The following ARHGAP28 variants were observed in gnomAD, a reference collection of about 807,000 sequenced individuals.
ARHGAP28 encodes the protein rho GTPase-activating protein 28.
A neutral mutation model predicts 90.7 loss-of-function variants in ARHGAP28; 56 were observed. That is an observed-to-expected ratio of 0.62 (90% confidence interval 0.50 to 0.77). The LOEUF is 0.77. ARHGAP28 is among the 30% of genes least tolerant of loss of function. The pLI, the probability that ARHGAP28 is intolerant of heterozygous loss-of-function variation, is 0.00. For missense variants in ARHGAP28, 869 were observed against 900.9 expected (o/e 0.96, Z 0.45); for synonymous variants, 308 against 323.3 (o/e 0.95, Z 0.51).
chr18:6,902,933 C>T lies in ARHGAP28; in HGVS notation c.2031-6027C>T, dbSNP rs180728615. Among the ~76,000 whole-genome samples the T allele has an allele frequency of 2.6e-3, 388 of 152,068 alleles. 3 individuals carry two copies. The highest frequency in any genetic ancestry group is 8.3e-3 in the African/African-American group (346 of 41,470). On this transcript the variant is annotated intron_variant, in intron 16 of 17. Transcript: ENST00000383472. ...TCCCAAGTATTCATCAACAGATGAA[C>T]GGATAAGCAAAATATGGTATATACA...
At chr18:6,864,643 C>A (rs935562120) in intron 5 of ARHGAP28, among the ~76,000 whole-genome samples, 1 of 151,832 alleles carries the variant, frequency 6.6e-6, no homozygotes, top group Non-Finnish European at 1.5e-5. Context: ...TAAATAGTTG[C>A]CCGTATCAGC....
At chr18:6,844,523 A>G (rs1395680019) in intron 3 of ARHGAP28, among the ~76,000 whole-genome samples, 1 of 152,244 alleles carries the variant, frequency 6.6e-6, no homozygotes, top group African/African-American at 2.4e-5. Context: ...AGCTATGGTT[A>G]TCTCCACAAA....
chr18:6,898,508 G>T, intron 16 of ARHGAP28: 2 of 1,614,030 alleles, frequency 1.2e-6, no homozygotes, highest in Non-Finnish European at 1.7e-6. Context: ...GAGAAGAGTC[G>T]ACAGAGACCA....
At chr18:6,783,516 G>C (rs951735330) in intron 1 of ARHGAP28, among the ~76,000 whole-genome samples, 1 of 142,254 alleles carries the variant, frequency 7.0e-6, no homozygotes, top group Non-Finnish European at 1.5e-5. Context: ...GGTCAGGCTG[G>C]TCTTGAACTC....
chr18:6,818,589 A>G (rs1356606115), intron 1 of ARHGAP28, among the ~76,000 whole-genome samples: 1 of 152,138 alleles, frequency 6.6e-6, no homozygotes, highest in Non-Finnish European at 1.5e-5. Flanking sequence ...GAACCCCGAG[A>G]GCTGAGACAG....
At chr18:6,782,337 C>T (rs1170537902) in intron 1 of ARHGAP28, among the ~76,000 whole-genome samples, 1 of 151,936 alleles carries the variant, frequency 6.6e-6, no homozygotes, top group Non-Finnish European at 1.5e-5. Context: ...TCCTAACAGC[C>T]TCGATTAGAG....
At chr18:6,779,776 G>A (rs932162317) in intron 1 of ARHGAP28, among the ~76,000 whole-genome samples, 1 of 152,216 alleles carries the variant, frequency 6.6e-6, no homozygotes, top group Non-Finnish European at 1.5e-5. Context: ...CAAGACTCAT[G>A]CAGGCCTCTG....
In ARHGAP28 at chr18:6,756,044, A is replaced by G. The variant is rs143306485; in HGVS notation, c.122+26101A>G. Among the ~76,000 whole-genome samples, 297 of 152,280 alleles carry G rather than the reference A, an allele frequency of 2.0e-3. 1 individual carries two copies. The highest frequency in any genetic ancestry group is 6.9e-3 in the African/African-American group (286 of 41,558). ...CTTGGAGCCAGACTGTTGGATTGGGATCCTGGCTCTTCTACTGACTGTGGG... is the reference window on the plus strand; with the variant it reads ...CTTGGAGCCAGACTGTTGGATTGGGGTCCTGGCTCTTCTACTGACTGTGGG... On this transcript the variant is annotated intron_variant, in intron 1 of 17. Transcript: ENST00000383472.
intron 2 of ARHGAP28, chr18:6,834,435 AC>A (rs1253997987): frequency 6.6e-6 from 1 of 152,180 alleles, no homozygotes; most frequent in Non-Finnish European, 1.5e-5. Flanking sequence ...ATGTCCAAAG[AC>A]CTTGTGACAA....
rs1162302393 is a variant in ARHGAP28, at chr18:6,882,196, G to A, written c.1350G>A (p.Met450Ile). 2 of 1,613,944 alleles carry A rather than the reference G, an allele frequency of 1.2e-6. No individual in the cohort carries two copies. The highest frequency in any genetic ancestry group is 1.7e-6 in the Non-Finnish European group (2 of 1,179,982). ...FNADKFKWDK[M>I]CHREAAVMLK... ...CTGATAAATTTAAATGGGACAAAAT[G>A]TGCCATAGAGAAGCTGCAGTAATGT... The change falls in exon 11 of 18, where the codon ATG becomes ATA. Residue 450 changes from methionine (M) to isoleucine (I), a missense_variant. Coordinates refer to ENST00000383472, the MANE Select transcript of ARHGAP28 (RefSeq NM_001366230.1).
intron 2 of ARHGAP28, among the ~76,000 whole-genome samples, chr18:6,833,366 C>CA (rs1228798439): frequency 4.6e-5 from 7 of 151,728 alleles, no homozygotes; most frequent in Non-Finnish European, 1.0e-4. Context: ...CCTTTTATGA[C>CA]AAAAAAAGAA....
At chr18:6,826,082 C>A (rs1469272057) in intron 2 of ARHGAP28, among the ~76,000 whole-genome samples, 1 of 149,370 alleles carries the variant, frequency 6.7e-6, no homozygotes, top group African/African-American at 2.5e-5. Context: ...AACAACAGTA[C>A]TTAAGCATTC....
chr18:6,781,609 A>G, intron 1 of ARHGAP28, among the ~76,000 whole-genome samples: 1 of 152,104 alleles, frequency 6.6e-6, no homozygotes, highest in Admixed American at 6.5e-5. Context: ...TAATCACAAA[A>G]GAAGGGAAGC....
At chr18:6,844,831 A>G (rs1392535412) in intron 3 of ARHGAP28, among the ~76,000 whole-genome samples, 1 of 152,214 alleles carries the variant, frequency 6.6e-6, no homozygotes, top group Non-Finnish European at 1.5e-5. Flanking sequence ...AACAGTGAAG[A>G]AAAAAGGAGA....
chr18:6,870,283 C>A (rs1414707622), intron 6 of ARHGAP28, among the ~76,000 whole-genome samples: 3 of 152,114 alleles, frequency 2.0e-5, no homozygotes, highest in African/African-American at 7.2e-5. Flanking sequence ...TAGAAATACC[C>A]TATTTTGGAC....
chr18:6,758,496 G>A (rs558960815), intron 1 of ARHGAP28, among the ~76,000 whole-genome samples: 11 of 152,246 alleles, frequency 7.2e-5, no homozygotes, highest in South Asian at 4.1e-4. Flanking sequence ...GCTAATTTTC[G>A]TAATTTTAGC....
chr18:6,873,711 C>G lies in ARHGAP28; in HGVS notation c.1148C>G (p.Thr383Arg), dbSNP rs1421256998. ...AATGGGATTTTTGGAGTTCCACTTACAGTCCTCCTGGACGGTGACCGAAAG... is the reference window on the plus strand; with the variant it reads ...AATGGGATTTTTGGAGTTCCACTTAGAGTCCTCCTGGACGGTGACCGAAAG... Reference protein sequence around the residue: ...RDNGIFGVPLTVLLDGDRKKD... With the variant: ...RDNGIFGVPLRVLLDGDRKKD... The change falls in exon 9 of 18, where the codon ACA (threonine) becomes AGA (arginine). Residue 383 changes from threonine (T) to arginine (R), a missense_variant. Transcript: ENST00000383472. The G allele has an allele frequency of 6.2e-7, 1 of 1,613,824 alleles. No individual in the cohort carries two copies. The highest frequency in any genetic ancestry group is 8.5e-7 in the Non-Finnish European group (1 of 1,179,976).
intron 1 of ARHGAP28, among the ~76,000 whole-genome samples, chr18:6,746,352 CTGT>C (rs1329202317): frequency 2.6e-5 from 4 of 152,178 alleles, no homozygotes; most frequent in African/African-American, 4.8e-5. Flanking sequence ...GGGAACTCTA[CTGT>C]TGTTATCGAG....
chr18:6,889,360 C>G (rs753177490), intron 12 of ARHGAP28, among the ~76,000 whole-genome samples: 73 of 152,146 alleles, frequency 4.8e-4, no homozygotes, highest in Admixed American at 7.9e-4. Context: ...AAATAGCACC[C>G]AAAAATTCAA....
Sources: gnomAD v4.1 joint callset for allele counts (sites outside exome capture counted in the v4.1 genomes callset) on GRCh38, gnomAD v4.1.1 for gene constraint, MANE v1.5 for transcripts, NCBI Gene and HGNC (gene_info 2026-07-23, HGNC 2026-07-21) for gene names.